PLEKHH2: variants seen among roughly 807,000 people sequenced by gnomAD.
PLEKHH2 encodes the protein pleckstrin homology domain-containing family H member 2.
A neutral mutation model predicts 187.9 loss-of-function variants in PLEKHH2; 129 were observed. That is an observed-to-expected ratio of 0.69 (90% CI 0.59 to 0.79). PLEKHH2 has a LOEUF of 0.79. Ranked by LOEUF, PLEKHH2 falls within the 30% of genes least tolerant of loss-of-function variation. The pLI is 0.00. For missense variants in PLEKHH2, 2,076 were observed against 1,751.2 expected (o/e 1.19, Z -3.31); for synonymous variants, 686 against 605.6 (o/e 1.13, Z -1.95).
chr2:43,747,637 G>C (rs768606144), intron 24 of PLEKHH2, among the ~76,000 whole-genome samples: 4 of 151,958 alleles, frequency 2.6e-5, no homozygotes, highest in Non-Finnish European at 5.9e-5. Flanking sequence ...ATTAGCAAAA[G>C]GTAGTACTTA....
At chr2:43,723,915 G>A (rs1331074909) in intron 16 of PLEKHH2, among the ~76,000 whole-genome samples, 1 of 152,188 alleles carries the variant, frequency 6.6e-6, no homozygotes, top group African/African-American at 2.4e-5. Flanking sequence ...ATCCAGGTGA[G>A]AGGGGATTGT....
intron 1 of PLEKHH2, among the ~76,000 whole-genome samples, chr2:43,641,290 T>C (rs969313656): frequency 6.6e-6 from 1 of 152,168 alleles, no homozygotes; most frequent in Non-Finnish European, 1.5e-5. Flanking sequence ...TTTATCTATT[T>C]TTTCTTCGAT....
intron 2 of PLEKHH2, among the ~76,000 whole-genome samples, chr2:43,671,244 C>A (rs866820571): frequency 1.1e-4 from 17 of 152,216 alleles, no homozygotes; most frequent in African/African-American, 3.9e-4. Context: ...ACCTCGGCCT[C>A]CCAAAGTGCT....
rs761797962 is a variant in PLEKHH2 at position 43,710,677 on chromosome 2, T to C, written c.2301+102T>C. 9 of 1,487,316 alleles carry C rather than the reference T, an allele frequency of 6.1e-6. No homozygotes were observed. The South Asian group carries it at 1.2e-4, about 20-fold the overall frequency. 92.1% of individuals were successfully genotyped at this position (1,487,316 alleles called of 1,614,324 possible). On this transcript the variant is annotated intron_variant, in intron 14 of 29. Coordinates refer to ENST00000282406, the MANE Select transcript of PLEKHH2 (RefSeq NM_172069.4). ...AGGAGATAGGATAATTCAGTGTTTCTTTATTCACTTTGGGGGGTTAGTTTG... is the reference window on the plus strand; with the variant it reads ...AGGAGATAGGATAATTCAGTGTTTCCTTATTCACTTTGGGGGGTTAGTTTG...
intron 2 of PLEKHH2, among the ~76,000 whole-genome samples, chr2:43,669,076 T>G (rs1667372130): frequency 6.6e-6 from 1 of 152,178 alleles, no homozygotes; most frequent in Non-Finnish European, 1.5e-5. Flanking sequence ...TACAAGGGCT[T>G]CTCAGTCCTC....
At chr2:43,638,750 GT>G (rs1404291215) in intron 1 of PLEKHH2, among the ~76,000 whole-genome samples, 1 of 152,084 alleles carries the variant, frequency 6.6e-6, no homozygotes, top group Admixed American at 6.6e-5. Context: ...GGCGGATATT[GT>G]TTAAAATTAG....
chr2:43,638,097 G>A (rs541428712), intron 1 of PLEKHH2, among the ~76,000 whole-genome samples: 19 of 152,184 alleles, frequency 1.2e-4, no homozygotes, highest in Non-Finnish European at 2.4e-4. Context: ...GCACAGCGGT[G>A]TGTCCCAGAG....
At chr2:43,644,333 G>A (rs1263427201) in intron 1 of PLEKHH2, among the ~76,000 whole-genome samples, 1 of 152,076 alleles carries the variant, frequency 6.6e-6, no homozygotes, top group East Asian at 1.9e-4. Context: ...AGAAATAGCA[G>A]TATTTCATTT....
intron 2 of PLEKHH2, among the ~76,000 whole-genome samples, chr2:43,648,565 G>A (rs995689490): frequency 8.1e-4 from 76 of 93,988 alleles, no homozygotes; most frequent in African/African-American, 2.9e-3. Context: ...ACATTCGTGT[G>A]TGTGTGTGTG....
In PLEKHH2 at chr2:43,697,342, G is replaced by T. The variant is rs1027884289; in HGVS notation, c.674G>T (p.Gly225Val). The T allele has an allele frequency of 2.5e-6, 4 of 1,609,736 alleles. No homozygotes were observed. In the African/African-American group the frequency reaches 5.4e-5, roughly 22 times the overall value. ...TCGAAAGAACCTGAGTTCACTGAAG[G>T]AAAAGACATGGAAGGTATTTATGAA... is the stretch of plus-strand genomic sequence containing the variant. Reference protein sequence around the residue: ...ISSKEPEFTEGKDMEEMEIPE... With the variant: ...ISSKEPEFTEVKDMEEMEIPE... The change falls in exon 7 of 30, where the codon GGA becomes GTA. Residue 225 changes from glycine to valine, a missense_variant. Transcript: ENST00000282406.
chr2:43,728,686 C>T (rs990010151), intron 17 of PLEKHH2, among the ~76,000 whole-genome samples: 30 of 150,892 alleles, frequency 2.0e-4, no homozygotes, highest in Non-Finnish European at 3.1e-4. Flanking sequence ...CTCAGCCTCC[C>T]GAACAGCTGG....
At chr2:43,660,548 C>G (rs990934184) in intron 2 of PLEKHH2, among the ~76,000 whole-genome samples, 1 of 146,844 alleles carries the variant, frequency 6.8e-6, no homozygotes, top group Non-Finnish European at 1.5e-5. Flanking sequence ...ATAAATGTGC[C>G]ATGCTGGTGC....
At chr2:43,754,322 C>T (rs965358789) in intron 25 of PLEKHH2, among the ~76,000 whole-genome samples, 4 of 152,194 alleles carry the variant, frequency 2.6e-5, no homozygotes, top group Non-Finnish European at 5.9e-5. Flanking sequence ...GTTCTCTCTT[C>T]TGCCATCCCT....
chr2:43,643,293 A>T (rs1666033724), intron 1 of PLEKHH2, among the ~76,000 whole-genome samples: 1 of 152,174 alleles, frequency 6.6e-6, no homozygotes. Flanking sequence ...CCAGCTCTAC[A>T]GTAATATGTT....
intron 18 of PLEKHH2, among the ~76,000 whole-genome samples, chr2:43,730,668 G>A (rs1670994628): frequency 6.6e-6 from 1 of 152,174 alleles, no homozygotes; most frequent in African/African-American, 2.4e-5. Flanking sequence ...CAAAGTGCTG[G>A]CATTACAGGC....
Position 43,699,933 on chromosome 2 carries a change from T to C in PLEKHH2, c.975T>C (p.Tyr325=). The change falls in exon 8 of 30, where the codon TAT becomes TAC. Residue 325 remains tyrosine, a synonymous_variant. Coordinates refer to ENST00000282406, the MANE Select transcript of PLEKHH2 (RefSeq NM_172069.4). ...VQCSRMGSEM[Y]LTASDDSSSI... ...GTAGCAGGATGGGAAGTGAAATGTA[T>C]CTGACAGCATCTGATGACAGCAGCT... 1 of 1,614,132 alleles carries C rather than the reference T, an allele frequency of 6.2e-7. No individual in the cohort carries two copies. The highest frequency in any genetic ancestry group is 8.5e-7 in the Non-Finnish European group (1 of 1,180,014).
rs768035895 is a variant in PLEKHH2, at chr2:43,767,080, A to AAAATTATATTATT, written c.*1486_*1498dup. ...AAAAATGAAACTGTGATAAGACATGAAAATTATATTATTAAAATGTTCAAT... is the reference window on the plus strand; with the variant it reads ...AAAAATGAAACTGTGATAAGACATGAAAATTATATTATTAAATTATATTATTAAAATGTTCAAT... On this transcript the variant is annotated 3_prime_UTR_variant, in exon 30 of 30. Coordinates refer to ENST00000282406, the MANE Select transcript of PLEKHH2 (RefSeq NM_172069.4). The AAAATTATATTATT allele has an allele frequency of 3.9e-5, 6 of 152,796 alleles. No homozygotes were observed. Among genetic ancestry groups the AAAATTATATTATT allele is most frequent in the Non-Finnish European group, 8.8e-5 (6 of 68,030 alleles). The allele number at this position is 152,796 out of a possible 1,614,324, so 9.5% of individuals were successfully genotyped here. A position where few individuals can be genotyped will look rare whatever the true frequency, so the allele number is the denominator to read the frequency against.
chr2:43,710,923 G>T, intron 14 of PLEKHH2: 1 of 1,032,568 alleles, frequency 9.7e-7, no homozygotes. Context: ...GTTATATAAT[G>T]TACTGTGAAA....
intron 24 of PLEKHH2, among the ~76,000 whole-genome samples, chr2:43,750,796 T>C (rs1376178944): frequency 6.6e-6 from 1 of 152,222 alleles, no homozygotes; most frequent in African/African-American, 2.4e-5. Context: ...CATTTATTTG[T>C]CCATTCATGC....
Sources: gnomAD v4.1 joint callset for allele counts (sites outside exome capture counted in the v4.1 genomes callset) on GRCh38, gnomAD v4.1.1 for gene constraint, MANE v1.5 for transcripts, NCBI Gene and HGNC (gene_info 2026-07-23, HGNC 2026-07-21) for gene names.